The following NT5DC1 variants were observed in gnomAD, a reference collection of about 807,000 sequenced individuals.
The protein encoded by NT5DC1 is 5'-nucleotidase domain-containing protein 1.
A neutral mutation model predicts 59.4 loss-of-function variants in NT5DC1; 42 were observed. The ratio of observed to expected loss-of-function variants is 0.71; its 90% CI spans 0.55 to 0.92. NT5DC1 has a LOEUF of 0.92. Ranked by LOEUF, NT5DC1 falls within the 40% of genes least tolerant of loss-of-function variation. NT5DC1 has a pLI of 0.00. For missense variants in NT5DC1, 501 were observed against 537.1 expected (o/e 0.93, Z 0.66); for synonymous variants, 172 against 188.1 (o/e 0.91, Z 0.70).
At chr6:116,241,425 A>T (rs763921507) in intron 11 of NT5DC1, among the ~76,000 whole-genome samples, 2 of 152,224 alleles carry the variant, frequency 1.3e-5, no homozygotes, top group Non-Finnish European at 2.9e-5. Flanking sequence ...TATATGCCAG[A>T]GTGGGGCAGC....
chr6:116,226,962 A>AT (rs1310904246), intron 8 of NT5DC1, among the ~76,000 whole-genome samples: 2 of 152,056 alleles, frequency 1.3e-5, no homozygotes, highest in African/African-American at 4.8e-5. Context: ...ACCTCACATT[A>AT]TCATTTTTTG....
intron 6 of NT5DC1, among the ~76,000 whole-genome samples, chr6:116,211,915 C>T (rs1781588356): frequency 1.3e-5 from 2 of 152,062 alleles, no homozygotes; most frequent in East Asian, 3.9e-4. Flanking sequence ...CACTGATGAA[C>T]AAAATGTTGC....
Position 116,238,286 on chromosome 6 carries a change from GAAGGCACGAGGAGTC to G in NT5DC1, c.1023_1037del (p.Gly342_Gln346del). 6.2e-7 allele frequency: 1 copy of G among 1,613,522 alleles called. No individual in the cohort carries two copies. The highest frequency in any genetic ancestry group is 1.3e-5 in the African/African-American group (1 of 75,004). ...CATCCTGGAAGAACTCAGAGGGGAT[GAAGGCACGAGGAGTC>G]AGAGGCCTGAGGAGTCAGAGCCTCT... On this transcript the variant is annotated inframe_deletion, in exon 10 of 12. Transcript: ENST00000319550.
At position 116,244,220 on chromosome 6, in the gene NT5DC1, A is replaced by C; in HGVS notation, c.*196A>C. 2 of 402,426 alleles carry C rather than the reference A, an allele frequency of 5.0e-6. No individual in the cohort carries two copies. The allele number at this position is 402,426 out of a possible 1,614,324, so 24.9% of individuals were successfully genotyped here. On this transcript the variant is annotated 3_prime_UTR_variant, in exon 12 of 12. Coordinates refer to ENST00000319550, the MANE Select transcript of NT5DC1 (RefSeq NM_152729.3). ...TATATTAAAATCTCAGTATCCTAAAACTTAGAACCTTATTGATATTTTCTA... is the reference window on the plus strand; with the variant it reads ...TATATTAAAATCTCAGTATCCTAAACCTTAGAACCTTATTGATATTTTCTA...
At chr6:116,223,436 TC>T (rs1781849268) in intron 8 of NT5DC1, among the ~76,000 whole-genome samples, 1 of 152,224 alleles carries the variant, frequency 6.6e-6, no homozygotes, top group African/African-American at 2.4e-5. Flanking sequence ...CAAGTTATCT[TC>T]TAGAACAAAA....
At chr6:116,109,630 C>A (rs1338634483) in intron 3 of NT5DC1, among the ~76,000 whole-genome samples, 1 of 152,188 alleles carries the variant, frequency 6.6e-6, no homozygotes, top group Non-Finnish European at 1.5e-5. Flanking sequence ...TTGATGCTTT[C>A]TTTCAACCAG....
intron 6 of NT5DC1, among the ~76,000 whole-genome samples, chr6:116,131,055 A>G (rs978241698): frequency 1.3e-5 from 2 of 152,046 alleles, no homozygotes; most frequent in African/African-American, 4.8e-5. Context: ...GCTCTTTTTA[A>G]ATTTAATTTG....
chr6:116,168,463 C>T lies in NT5DC1; in HGVS notation c.529+50518C>T, dbSNP rs539049184. Among the ~76,000 whole-genome samples, 33 of 152,110 alleles carry T rather than the reference C, an allele frequency of 2.2e-4. No homozygotes were observed. In the South Asian group the frequency reaches 6.8e-3, roughly 31 times the overall value. ...AGTTCTTTTTCTATTTTTCAATTCT[C>T]TGACAAAATCTTGATTTTATTTTAG... On this transcript the variant is annotated intron_variant, in intron 6 of 11. Transcript: ENST00000319550.
intron 4 of NT5DC1, among the ~76,000 whole-genome samples, chr6:116,113,502 G>C (rs1164600186): frequency 6.6e-6 from 1 of 152,194 alleles, no homozygotes; most frequent in Admixed American, 6.5e-5. Context: ...TCTATACAGA[G>C]GTGGACGTTG....
At chr6:116,230,150 G>C (rs1781990451) in intron 8 of NT5DC1, among the ~76,000 whole-genome samples, 1 of 151,926 alleles carries the variant, frequency 6.6e-6, no homozygotes, top group African/African-American at 2.4e-5. Flanking sequence ...CTTTCCACTA[G>C]GCCATCTAAC....
At chr6:116,158,865 G>A (rs967334862) in intron 6 of NT5DC1, 5 of 152,134 alleles carry the variant, frequency 3.3e-5, no homozygotes, top group African/African-American at 9.7e-5. Flanking sequence ...TTCATTTCCA[G>A]GAGAGAATAT....
intron 6 of NT5DC1, among the ~76,000 whole-genome samples, chr6:116,199,809 A>C (rs1389027170): frequency 6.6e-6 from 1 of 152,104 alleles, no homozygotes; most frequent in Non-Finnish European, 1.5e-5. Flanking sequence ...TAAAATAACC[A>C]TCAATGAGTC....
intron 6 of NT5DC1, among the ~76,000 whole-genome samples, chr6:116,131,478 T>G (rs147014817): frequency 4.2e-4 from 64 of 152,302 alleles, no homozygotes; most frequent in African/African-American, 1.5e-3. Context: ...TGACTCAGTT[T>G]TTCTTGACCT....
intron 6 of NT5DC1, among the ~76,000 whole-genome samples, chr6:116,155,688 A>G (rs1780171602): frequency 1.3e-5 from 2 of 151,756 alleles, no homozygotes; most frequent in South Asian, 4.2e-4. Flanking sequence ...GCTGGTATCC[A>G]TCTAAAGGGC....
intron 6 of NT5DC1, among the ~76,000 whole-genome samples, chr6:116,124,943 T>A (rs1201982273): frequency 6.6e-6 from 1 of 152,220 alleles, no homozygotes; most frequent in Non-Finnish European, 1.5e-5. Context: ...ATGTTTAATA[T>A]TTAGCTAAAT....
rs1208453339 is a variant in NT5DC1, at chr6:116,182,538, G to A, written c.530-38516G>A. Among the ~76,000 whole-genome samples, 4 of 151,794 alleles carry A rather than the reference G, an allele frequency of 2.6e-5. No homozygotes were observed. In the East Asian group the frequency reaches 5.8e-4, roughly 22 times the overall value. ...AGTGTTCCCTTTTCACCACATCCAC[G>A]CCAACACCTATTTTTTTTTATTTTT... On this transcript the variant is annotated intron_variant, in intron 6 of 11. Coordinates refer to ENST00000319550, the MANE Select transcript of NT5DC1 (RefSeq NM_152729.3).
At chr6:116,104,809 C>A (rs770243836) in intron 1 of NT5DC1, among the ~76,000 whole-genome samples, 4 of 152,054 alleles carry the variant, frequency 2.6e-5, no homozygotes, top group Non-Finnish European at 5.9e-5. Context: ...GTACTTTGTA[C>A]CACAGGGTGA....
rs143529958 is a variant in NT5DC1, at chr6:116,144,495, G to A, written c.529+26550G>A. 8.3e-3 allele frequency among the ~76,000 whole-genome samples: 1,231 copies of A among 147,886 alleles called. 20 individuals are homozygous for A. The highest frequency in any genetic ancestry group is 0.03 in the African/African-American group (1,167 of 39,500). On this transcript the variant is annotated intron_variant, in intron 6 of 11. Coordinates refer to ENST00000319550, the MANE Select transcript of NT5DC1 (RefSeq NM_152729.3). ...CAGCCTGATGACAGAGCGAGACTCC[G>A]TCTCAAAAAAAAAAAAAAGTGTAAA...
At chr6:116,241,948 A>C (rs1382149130) in intron 11 of NT5DC1, among the ~76,000 whole-genome samples, 17 of 141,918 alleles carry the variant, frequency 1.2e-4, no homozygotes, top group Non-Finnish European at 1.9e-4. Flanking sequence ...ACAAAACAAA[A>C]AAAAAAAAAA....
Sources: allele counts gnomAD v4.1 joint callset (sites outside exome capture counted in the v4.1 genomes callset), GRCh38; gene constraint gnomAD v4.1.1; transcripts MANE v1.5; gene names NCBI Gene and HGNC (gene_info 2026-07-23, HGNC 2026-07-21).